Variants in PIAS1 observed in about 807,000 individuals in gnomAD.
The protein encoded by PIAS1 is E3 SUMO-protein ligase PIAS1.
A neutral mutation model predicts 71.3 loss-of-function variants in PIAS1; 6 were observed. That is an observed-to-expected ratio of 0.08 (90% confidence interval 0.05 to 0.17). The LOEUF (loss-of-function observed/expected upper bound fraction) is 0.17, where lower values mean the gene tolerates loss of function less well. Ranked by LOEUF, PIAS1 falls within the 10% of genes least tolerant of loss-of-function variation. The pLI is 1.00. For synonymous variants in PIAS1, 303 were observed against 292.9 expected, an observed-to-expected ratio of 1.03 and a Z score of -0.35; for missense variants, 555 against 793.6, an observed-to-expected ratio of 0.70 and a Z score of 3.61.
chr15:68,097,589 C>A (rs190795476), intron 2 of PIAS1, among the ~76,000 whole-genome samples: 3 of 152,036 alleles, frequency 2.0e-5, no homozygotes, highest in African/African-American at 7.3e-5. Context: ...CGCACCACCA[C>A]GCCCATCTAA....
intron 1 of PIAS1, among the ~76,000 whole-genome samples, chr15:68,057,960 G>A (rs1335376883): frequency 6.6e-6 from 1 of 152,142 alleles, no homozygotes; most frequent in Non-Finnish European, 1.5e-5. Flanking sequence ...GTTGATTGCG[G>A]TAGTGCTTAG....
intron 11 of PIAS1, 24 bp from the exon 12 acceptor site, chr15:68,181,188 T>C (rs1385765707): frequency 1.2e-6 from 2 of 1,608,930 alleles, no homozygotes; most frequent in Admixed American, 1.7e-5. Context: ...TAATGAAAAC[T>C]ATGCCAATCT....
intron 8 of PIAS1, among the ~76,000 whole-genome samples, chr15:68,169,184 A>G (rs1219650283): frequency 1.3e-5 from 2 of 152,198 alleles, no homozygotes; most frequent in Admixed American, 6.5e-5. Context: ...ACCTTATAAA[A>G]TAGGAATTTG....
intron 2 of PIAS1, among the ~76,000 whole-genome samples, chr15:68,118,577 A>G (rs1595739370): frequency 1.3e-5 from 2 of 151,780 alleles, no homozygotes; most frequent in African/African-American, 4.9e-5. Context: ...CCTCGCCTCA[A>G]GCGATCCTCC....
At chr15:68,107,076 CT>C (rs2092477907) in intron 2 of PIAS1, among the ~76,000 whole-genome samples, 1 of 152,134 alleles carries the variant, frequency 6.6e-6, no homozygotes, top group Non-Finnish European at 1.5e-5. Context: ...AAGAAGTCTA[CT>C]TTTGTTTAAG....
intron 8 of PIAS1, among the ~76,000 whole-genome samples, chr15:68,170,468 T>A (rs2092984477): frequency 6.6e-6 from 1 of 152,156 alleles, no homozygotes; most frequent in African/African-American, 2.4e-5. Context: ...ATGGGGCACT[T>A]ACTATGAATG....
chr15:68,109,500 A>T (rs1445903318), intron 2 of PIAS1, among the ~76,000 whole-genome samples: 1 of 152,198 alleles, frequency 6.6e-6, no homozygotes, highest in African/African-American at 2.4e-5. Context: ...ATATTTGTAG[A>T]ACAGATTCAT....
At chr15:68,158,875 G>C (rs2092907501) in intron 7 of PIAS1, among the ~76,000 whole-genome samples, 1 of 152,160 alleles carries the variant, frequency 6.6e-6, no homozygotes, top group South Asian at 2.1e-4. Flanking sequence ...TATCTGCACT[G>C]TCCCATATGG....
At chr15:68,064,168 A>G (rs1345158250) in intron 1 of PIAS1, among the ~76,000 whole-genome samples, 1 of 152,194 alleles carries the variant, frequency 6.6e-6, no homozygotes, top group Non-Finnish European at 1.5e-5. Context: ...GGTTATACAG[A>G]CTAGGGTATT....
chr15:68,145,409 A>T (rs892584713), intron 4 of PIAS1, among the ~76,000 whole-genome samples: 3 of 152,188 alleles, frequency 2.0e-5, no homozygotes, highest in Non-Finnish European at 4.4e-5. Flanking sequence ...TATAATGCTT[A>T]TTAGCCTATT....
At chr15:68,135,263 G>A (rs1377377452) in intron 2 of PIAS1, among the ~76,000 whole-genome samples, 3 of 30,914 alleles carry the variant, frequency 9.7e-5, no homozygotes, top group Non-Finnish European at 1.3e-4. Flanking sequence ...CCTCCCTCCC[G>A]GACGGGGCGG....
intron 2 of PIAS1, among the ~76,000 whole-genome samples, chr15:68,119,751 A>G (rs575379083): frequency 3.0e-4 from 46 of 152,266 alleles, no homozygotes; most frequent in African/African-American, 1.0e-3. Flanking sequence ...TCTATCACTT[A>G]TTGAGAGAGG....
chr15:68,153,605 G>A lies in PIAS1; in HGVS notation c.844G>A (p.Val282Ile). The A allele has an allele frequency of 6.5e-7, 1 of 1,542,740 alleles. No individual in the cohort carries two copies. The highest frequency in any genetic ancestry group is 8.9e-7 in the Non-Finnish European group (1 of 1,118,428). The stretch of plus-strand genomic sequence containing the variant: ...TTTTTTCCAGAACTATTCCATGGCA[G>A]TATATCTTGTAAAACAGTTGTCCTC... The part of the protein sequence containing the change: ...AEIGRNYSMA[V>I]YLVKQLSSTV... Residue 282 changes from valine to isoleucine, a missense_variant, in exon 7 of 14, where the codon GTA becomes ATA. Coordinates refer to ENST00000249636, the MANE Select transcript of PIAS1 (RefSeq NM_016166.3).
rs201598581 is a variant in PIAS1, at chr15:68,107,897, TTTTCTTTCTAGAA to T, written c.469+21150_469+21162del. 6.1e-3 allele frequency among the ~76,000 whole-genome samples: 929 copies of T among 152,284 alleles called. 4 individuals carry two copies. Among genetic ancestry groups the T allele is most frequent in the East Asian group, 0.032 (167 of 5,190 alleles). The stretch of plus-strand genomic sequence containing the variant: ...GTAGTGAAATATTATTTTAAATGAT[TTTTCTTTCTAGAA>T]TTAGAGTATAGCCAGAAACTATTAA... On this transcript the variant is annotated intron_variant, in intron 2 of 13. Coordinates refer to ENST00000249636, the MANE Select transcript of PIAS1 (RefSeq NM_016166.3).
chr15:68,125,562 T>C (rs569276684), intron 2 of PIAS1, among the ~76,000 whole-genome samples: 1 of 152,344 alleles, frequency 6.6e-6, no homozygotes, highest in South Asian at 2.1e-4. Flanking sequence ...TCTATACCCA[T>C]ACTTTATTTG....
chr15:68,058,828 T>C (rs772264330), intron 1 of PIAS1, among the ~76,000 whole-genome samples: 1 of 152,146 alleles, frequency 6.6e-6, no homozygotes, highest in Non-Finnish European at 1.5e-5. Context: ...CACTTAAGAC[T>C]TTCTCTCTGT....
chr15:68,097,208 A>G (rs1457015070), intron 2 of PIAS1, among the ~76,000 whole-genome samples: 1 of 152,096 alleles, frequency 6.6e-6, no homozygotes, highest in African/African-American at 2.4e-5. Flanking sequence ...ATTGAATTTC[A>G]TACACTGAAC....
intron 2 of PIAS1, among the ~76,000 whole-genome samples, chr15:68,125,087 G>A (rs1418042670): frequency 1.3e-5 from 2 of 152,244 alleles, no homozygotes; most frequent in East Asian, 1.9e-4. Context: ...TTGTAAGTGA[G>A]CAATGTAGTG....
chr15:68,161,127 A>G (rs1202275715), intron 7 of PIAS1, among the ~76,000 whole-genome samples: 2 of 152,254 alleles, frequency 1.3e-5, no homozygotes, highest in Non-Finnish European at 2.9e-5. Context: ...TGCATGGTCA[A>G]TATACAAAAA....
Sources: gnomAD v4.1 joint callset for allele counts (sites outside exome capture counted in the v4.1 genomes callset) on GRCh38, gnomAD v4.1.1 for gene constraint, MANE v1.5 for transcripts, NCBI Gene and HGNC (gene_info 2026-07-23, HGNC 2026-07-21) for gene names.